The following LRRC7 variants were observed in gnomAD, a reference collection of about 807,000 sequenced individuals.
LRRC7 encodes leucine-rich repeat-containing protein 7.
LRRC7 carries 23 observed loss-of-function variants against 175.7 expected under a neutral mutation model. The observed-to-expected ratio is 0.13, with a 90% CI of 0.09 to 0.19. LRRC7 has a LOEUF of 0.19. LRRC7 is among the 10% of genes least tolerant of loss of function. The probability of loss-of-function intolerance (pLI) is 1.00; values close to 1 mark genes in which losing one functional copy is unlikely to be tolerated. For missense variants in LRRC7, 1,354 were observed against 1,904.7 expected (o/e 0.71, Z 5.38); for synonymous variants, 685 against 680.9 (o/e 1.01, Z -0.09).
Position 70,076,216 on chromosome 1 carries a change from C to T in LRRC7, c.4370C>T (p.Ser1457Leu). ...CCATTGCCTATTCAGATCCCCTCTTCACAGGCCACCCGGGGACCTCAGCCT... is the reference window on the plus strand; with the variant it reads ...CCATTGCCTATTCAGATCCCCTCTTTACAGGCCACCCGGGGACCTCAGCCT... ...QSPLPIQIPS[S>L]QATRGPQPGR... Residue 1457 changes from serine to leucine, a missense_variant, in exon 24 of 27, where the codon TCA becomes TTA. Physicochemically the swap from Ser to Leu is moderately radical, Grantham distance 145. Transcript: ENST00000651989. 6.2e-7 allele frequency: 1 copy of T among 1,614,104 alleles called. No individual in the cohort carries two copies. Among genetic ancestry groups the T allele is most frequent in the Non-Finnish European group, 8.5e-7 (1 of 1,179,988 alleles).
chr1:69,878,511 T>G (rs1686253754), intron 7 of LRRC7, among the ~76,000 whole-genome samples: 1 of 152,128 alleles, frequency 6.6e-6, no homozygotes, highest in Non-Finnish European at 1.5e-5. Flanking sequence ...GGTGGCATGA[T>G]GAGGTCATTC....
intron 3 of LRRC7, among the ~76,000 whole-genome samples, chr1:69,777,874 C>A (rs1357486017): frequency 6.6e-6 from 1 of 152,134 alleles, no homozygotes; most frequent in East Asian, 1.9e-4. Context: ...ACACAGCCAA[C>A]AGTGACCCAT....
Position 69,647,992 on chromosome 1 carries a change from A to C in LRRC7, c.3-30389A>C, listed in dbSNP as rs181730039. Among the ~76,000 whole-genome samples, 24 of 152,200 alleles carry C rather than the reference A, an allele frequency of 1.6e-4. 1 individual carries two copies. In the East Asian group the frequency reaches 4.2e-3, roughly 27 times the overall value. On this transcript the variant is annotated intron_variant, in intron 1 of 26. Transcript: ENST00000651989. ...ATGAAAATGCCTTTAGCTAATATAA[A>C]ATGTTTTCAAAAGTTTATCTAGTAA...
chr1:69,772,306 G>T (rs1192149709), intron 3 of LRRC7, among the ~76,000 whole-genome samples: 1 of 152,060 alleles, frequency 6.6e-6, no homozygotes, highest in African/African-American at 2.4e-5. Context: ...AACCTTCTAG[G>T]CAAAGGGGAC....
intron 18 of LRRC7, 108 bp from the exon 19 acceptor site, chr1:70,036,013 A>G (rs1377445451): frequency 2.6e-6 from 2 of 765,792 alleles, no homozygotes; most frequent in African/African-American, 3.6e-5. Context: ...CAGTGAACTG[A>G]ATTCTAGAGT....
intron 7 of LRRC7, among the ~76,000 whole-genome samples, chr1:69,926,463 A>G (rs576699803): frequency 7.2e-6 from 1 of 139,248 alleles, no homozygotes; most frequent in Non-Finnish European, 1.6e-5. Flanking sequence ...GTAGGTCACT[A>G]AGGACTTGCT....
chr1:70,036,569 G>C lies in LRRC7; in HGVS notation c.2233G>C (p.Gly745Arg). The C allele has an allele frequency of 1.2e-6, 2 of 1,613,982 alleles. No individual in the cohort carries two copies. The highest frequency in any genetic ancestry group is 1.7e-6 in the Non-Finnish European group (2 of 1,179,926). Residue 745 changes from glycine to arginine, a missense_variant, in exon 20 of 27, where the codon GGG becomes CGG. Gly to Arg is a moderately radical substitution (Grantham distance 125). Transcript: ENST00000651989. Reference sequence around the variant, plus strand: ...ATCCTCTAATACCCGGGTTAAAGTGGGGTCCTTGCAGACAACAGCTAAAGA... The same window carrying C: ...ATCCTCTAATACCCGGGTTAAAGTGCGGTCCTTGCAGACAACAGCTAAAGA... ...SGSSNTRVKV[G>R]SLQTTAKDAV...
chr1:69,794,984 T>C (rs1675550191), intron 4 of LRRC7, among the ~76,000 whole-genome samples: 1 of 152,190 alleles, frequency 6.6e-6, no homozygotes, highest in Admixed American at 6.5e-5. Flanking sequence ...GCAATACTAG[T>C]ATAGTACTAT....
intron 8 of LRRC7, among the ~76,000 whole-genome samples, chr1:69,947,108 AAAATAAATAAATAAAT>A (rs369706064): frequency 1.3e-4 from 19 of 147,122 alleles, no homozygotes; most frequent in South Asian, 4.4e-4. Flanking sequence ...ACTGTGTCTC[AAAATAAATAAATAAAT>A]AAATAAATAA....
chr1:69,725,834 G>A (rs1021502153), intron 2 of LRRC7, among the ~76,000 whole-genome samples: 1 of 152,200 alleles, frequency 6.6e-6, no homozygotes, highest in African/African-American at 2.4e-5. Context: ...ACATGACCCA[G>A]CAGCTTGGTT....
intron 2 of LRRC7, among the ~76,000 whole-genome samples, chr1:69,753,034 T>C (rs988936291): frequency 6.6e-6 from 1 of 152,148 alleles, no homozygotes; most frequent in Admixed American, 6.6e-5. Context: ...TGTTCTCTAA[T>C]GTATACTGGA....
chr1:70,093,865 T>G (rs547186753), intron 25 of LRRC7, among the ~76,000 whole-genome samples: 1 of 152,298 alleles, frequency 6.6e-6, no homozygotes, highest in African/African-American at 2.4e-5. Flanking sequence ...TTTACCAGTA[T>G]AATTTCCACA....
chr1:69,955,159 G>T (rs1650363911), intron 8 of LRRC7, among the ~76,000 whole-genome samples: 1 of 151,972 alleles, frequency 6.6e-6, no homozygotes. Flanking sequence ...ATGAATACTT[G>T]TGTTGATCAC....
chr1:69,837,759 T>C (rs1376213946), intron 6 of LRRC7, among the ~76,000 whole-genome samples: 1 of 151,704 alleles, frequency 6.6e-6, no homozygotes, highest in Non-Finnish European at 1.5e-5. Context: ...CTTTAAAATA[T>C]CTCAGTTAAT....
At chr1:69,875,950 A>G (rs911711615) in intron 7 of LRRC7, among the ~76,000 whole-genome samples, 22 of 152,240 alleles carry the variant, frequency 1.4e-4, no homozygotes, top group African/African-American at 5.3e-4. Flanking sequence ...TCTGTACGAT[A>G]CAAATACCAT....
chr1:69,745,422 A>G (rs568552247), intron 2 of LRRC7, among the ~76,000 whole-genome samples: 1 of 151,972 alleles, frequency 6.6e-6, no homozygotes, highest in Non-Finnish European at 1.5e-5. Context: ...GCAATTTTGC[A>G]ATACTTAATC....
At chr1:69,605,048 G>A (rs1401696411) in intron 1 of LRRC7, among the ~76,000 whole-genome samples, 1 of 152,150 alleles carries the variant, frequency 6.6e-6, no homozygotes, top group African/African-American at 2.4e-5. Context: ...GATGTGATAT[G>A]GTGTGGCTGT....
In LRRC7 at chr1:70,129,806, A is replaced by T. The variant is rs1026754832; in HGVS notation, c.*7919A>T. ...ATCACACATACCATGTATCATCAACATCTATTCTTCTAAGGAGTTCTGATC... is the reference window on the plus strand; with the variant it reads ...ATCACACATACCATGTATCATCAACTTCTATTCTTCTAAGGAGTTCTGATC... On this transcript the variant is annotated 3_prime_UTR_variant, in exon 27 of 27. Coordinates refer to ENST00000651989, the MANE Select transcript of LRRC7 (RefSeq NM_001370785.2). 2.6e-5 allele frequency among the ~76,000 whole-genome samples: 4 copies of T among 152,196 alleles called. No individual in the cohort carries two copies. In the East Asian group the frequency reaches 7.7e-4, roughly 29 times the overall value.
At chr1:70,073,971 C>T (rs1196638401) in intron 23 of LRRC7, among the ~76,000 whole-genome samples, 2 of 152,140 alleles carry the variant, frequency 1.3e-5, no homozygotes, top group Non-Finnish European at 2.9e-5. Flanking sequence ...GAGGCTGAGG[C>T]CGGTAGATCA....
Sources: allele counts gnomAD v4.1 joint callset (sites outside exome capture counted in the v4.1 genomes callset), GRCh38; gene constraint gnomAD v4.1.1; transcripts MANE v1.5; gene names NCBI Gene and HGNC (gene_info 2026-07-23, HGNC 2026-07-21).